The following ADD2 variants were observed in gnomAD, a reference collection of about 807,000 sequenced individuals.
ADD2 encodes the protein adducin 2.
Under a neutral mutation model 83.0 loss-of-function variants are expected in ADD2, and 23 were observed. That is an observed-to-expected ratio of 0.28 (90% confidence interval 0.20 to 0.39). The LOEUF is 0.39. ADD2 is among the 10% of genes least tolerant of loss of function. The pLI is 1.00. For missense variants in ADD2, 758 were observed against 944.9 expected, an observed-to-expected ratio of 0.80 and a Z score of 2.59; for synonymous variants, 375 against 375.4, an observed-to-expected ratio of 1.00 and a Z score of 0.01.
intron 1 of ADD2, among the ~76,000 whole-genome samples, chr2:70,740,298 A>G (rs1202760470): frequency 2.0e-5 from 3 of 152,206 alleles, no homozygotes; most frequent in Non-Finnish European, 4.4e-5. Context: ...CAGGATCATA[A>G]TAATAATGGA....
chr2:70,749,894 C>T (rs1674421024), intron 1 of ADD2, among the ~76,000 whole-genome samples: 1 of 152,166 alleles, frequency 6.6e-6, no homozygotes, highest in Admixed American at 6.6e-5. Flanking sequence ...GAAATAAGTC[C>T]CTATTTGGCT....
At chr2:70,739,736 TG>T (rs1673778556) in intron 1 of ADD2, among the ~76,000 whole-genome samples, 1 of 152,242 alleles carries the variant, frequency 6.6e-6, no homozygotes, top group African/African-American at 2.4e-5. Context: ...TGGGTGAAGC[TG>T]GAGGCCATTA....
At chr2:70,685,770 A>G (rs1208402109) in intron 9 of ADD2, among the ~76,000 whole-genome samples, 3 of 152,190 alleles carry the variant, frequency 2.0e-5, no homozygotes, top group Admixed American at 6.5e-5. Flanking sequence ...AATGGAGAAG[A>G]AGAGAGGGAG....
intron 9 of ADD2, among the ~76,000 whole-genome samples, chr2:70,685,793 A>G (rs1670689345): frequency 6.6e-6 from 1 of 152,178 alleles, no homozygotes; most frequent in Admixed American, 6.5e-5. Flanking sequence ...ACTGCCCACA[A>G]CCTTGCAAGA....
rs770498566 is a variant in ADD2, at chr2:70,661,817, T to C, written c.*1608A>G. ...GGGGATTAAAGTTGTCTGTTCACCA[T>C]AGCTGTTAAGAGCAAGGGCTCTGGA... On this transcript the variant is annotated 3_prime_UTR_variant, in exon 16 of 16. Coordinates refer to ENST00000264436, the MANE Select transcript of ADD2 (RefSeq NM_001617.4). The C allele has an allele frequency of 2.9e-4, 44 of 152,258 alleles. 1 individual carries two copies. Among genetic ancestry groups the C allele is most frequent in the Non-Finnish European group, 4.0e-4 (27 of 68,044 alleles). 9.4% of individuals were successfully genotyped at this position (152,258 alleles called of 1,614,324 possible). A position where few individuals can be genotyped will look rare whatever the true frequency, so the allele number is the denominator to read the frequency against.
chr2:70,753,241 A>G (rs1391132062), intron 1 of ADD2, among the ~76,000 whole-genome samples: 1 of 152,232 alleles, frequency 6.6e-6, no homozygotes, highest in East Asian at 1.9e-4. Context: ...TGACAGGTCA[A>G]GTAAGATAAG....
chr2:70,695,535 G>A (rs1553372433), intron 6 of ADD2, among the ~76,000 whole-genome samples, 186 bp downstream of exon 6: 1 of 152,030 alleles, frequency 6.6e-6, no homozygotes, highest in East Asian at 1.9e-4. Flanking sequence ...CCTCCTCCTG[G>A]CAATTGGTCT....
In ADD2 at chr2:70,663,636, G is replaced by C; in HGVS notation, c.1970C>G (p.Thr657Arg). The change falls in exon 16 of 16, where the codon ACG (threonine) becomes AGG (arginine). Residue 657 changes from threonine to arginine, a missense_variant. Thr to Arg is a moderately conservative substitution (Grantham distance 71). Transcript: ENST00000264436. Reference sequence around the variant, plus strand: ...GCCTTTGCTGAGGATTTCCTCTGCCGTCTGCTCCTCCTCCCTCCCGTTGAC... The same window carrying C: ...GCCTTTGCTGAGGATTTCCTCTGCCCTCTGCTCCTCCTCCCTCCCGTTGAC... ...VVVNGREEEQTAEEILSKGLS... is the reference protein window; with the variant it reads ...VVVNGREEEQRAEEILSKGLS... 1 of 1,614,064 alleles carries C rather than the reference G, an allele frequency of 6.2e-7. No homozygotes were observed. Among genetic ancestry groups the C allele is most frequent in the Non-Finnish European group, 8.5e-7 (1 of 1,180,002 alleles).
intron 1 of ADD2, among the ~76,000 whole-genome samples, chr2:70,746,651 G>C (rs1003547403): frequency 3.3e-5 from 5 of 152,190 alleles, no homozygotes; most frequent in Non-Finnish European, 5.9e-5. Flanking sequence ...ACTGGGCCGG[G>C]AGGGAAAACA....
intron 12 of ADD2, among the ~76,000 whole-genome samples, 173 bp downstream of exon 12, chr2:70,677,585 C>T (rs1048306010): frequency 1.3e-5 from 2 of 152,136 alleles, no homozygotes; most frequent in Admixed American, 1.3e-4. Context: ...CACAGGAGTA[C>T]AGCGCTTAGC....
At chr2:70,669,881 C>G (rs1412385863) in intron 15 of ADD2, among the ~76,000 whole-genome samples, 1 of 152,188 alleles carries the variant, frequency 6.6e-6, no homozygotes, top group African/African-American at 2.4e-5. Flanking sequence ...GAGAGACAGA[C>G]AGACAGACAG....
chr2:70,763,194 T>C (rs568090474), intron 1 of ADD2, among the ~76,000 whole-genome samples: 4 of 152,150 alleles, frequency 2.6e-5, no homozygotes, highest in South Asian at 2.1e-4. Flanking sequence ...AGCTTTCCTA[T>C]GTAGTTTATC....
At chr2:70,721,608 C>T (rs1553377391) in intron 1 of ADD2, among the ~76,000 whole-genome samples, 1 of 152,190 alleles carries the variant, frequency 6.6e-6, no homozygotes, top group African/African-American at 2.4e-5. Flanking sequence ...GGGAAAATAG[C>T]TTCCGGCAAA....
At chr2:70,702,027 C>T (rs1010397304) in intron 4 of ADD2, among the ~76,000 whole-genome samples, 2 of 152,186 alleles carry the variant, frequency 1.3e-5, no homozygotes, top group Non-Finnish European at 2.9e-5. Context: ...CCCTACAGAG[C>T]TTACATTCTA....
At chr2:70,681,074 T>C (rs1421731251) in intron 10 of ADD2, among the ~76,000 whole-genome samples, 3 of 152,114 alleles carry the variant, frequency 2.0e-5, no homozygotes, top group Non-Finnish European at 4.4e-5. Context: ...AATGTAGGCA[T>C]AGTTAAATAA....
intron 1 of ADD2, among the ~76,000 whole-genome samples, chr2:70,726,186 C>CAA (rs34333514): frequency 0.032 from 1,441 of 45,374 alleles, 279 homozygotes; most frequent in African/African-American, 0.091. Flanking sequence ...GACTCCATCT[C>CAA]AAAAAAAAAA....
intron 1 of ADD2, among the ~76,000 whole-genome samples, chr2:70,738,270 A>C (rs1356877131): frequency 5.3e-5 from 8 of 152,190 alleles, no homozygotes; most frequent in Non-Finnish European, 8.8e-5. Flanking sequence ...TTCACTAAAA[A>C]CCAACGTCAA....
intron 1 of ADD2, among the ~76,000 whole-genome samples, chr2:70,738,776 AAAGAGATGTATCTATGATC>A (rs1231091255): frequency 6.6e-6 from 1 of 152,234 alleles, no homozygotes; most frequent in Admixed American, 6.5e-5. Context: ...GGCTACTTGT[AAAGAGATGTATCTATGATC>A]AAGTCATAAA....
At chr2:70,693,519 C>A (rs1343265281) in intron 6 of ADD2, among the ~76,000 whole-genome samples, 1 of 152,166 alleles carries the variant, frequency 6.6e-6, no homozygotes, top group Admixed American at 6.5e-5. Context: ...GGGAGACAGA[C>A]TCTAATGTGG....
Sources: gnomAD v4.1 joint callset for allele counts (sites outside exome capture counted in the v4.1 genomes callset) on GRCh38, gnomAD v4.1.1 for gene constraint, MANE v1.5 for transcripts, NCBI Gene and HGNC (gene_info 2026-07-23, HGNC 2026-07-21) for gene names.